Variants in GPC6 observed in about 807,000 individuals in gnomAD.
The protein encoded by GPC6 is glypican-6.
Under a neutral mutation model 55.2 loss-of-function variants are expected in GPC6, and 14 were observed. That is an observed-to-expected ratio of 0.25 (90% CI 0.17 to 0.40). GPC6 has a LOEUF of 0.40. Ranked by LOEUF, GPC6 falls within the 10% of genes least tolerant of loss-of-function variation. The pLI is 1.00. For missense variants in GPC6, 641 were observed against 708.5 expected (o/e 0.90, Z 1.08); for synonymous variants, 278 against 259.6 (o/e 1.07, Z -0.68).
At chr13:93,303,098 C>A (rs759280287) in intron 1 of GPC6, among the ~76,000 whole-genome samples, 19 of 152,142 alleles carry the variant, frequency 1.2e-4, no homozygotes, top group Non-Finnish European at 2.8e-4. Flanking sequence ...TAAATAAGTT[C>A]TTTGTATGAC....
rs201815669 is a variant in GPC6 at position 93,628,180 on chromosome 13, CT to C, written c.319+82762del. ...ATTGTATCAAAGAAAATGGAAGTGC[CT>C]TTGATCAATTTATTAGTTGTCTGTT... On this transcript the variant is annotated intron_variant, in intron 2 of 8. Transcript: ENST00000377047. Among the ~76,000 whole-genome samples, 943 of 152,236 alleles carry C rather than the reference CT, an allele frequency of 6.2e-3. 10 individuals are homozygous for C. Among genetic ancestry groups the C allele is most frequent in the African/African-American group, 0.021 (889 of 41,538 alleles).
intron 2 of GPC6, among the ~76,000 whole-genome samples, chr13:93,610,573 C>A (rs936294288): frequency 6.6e-6 from 1 of 151,990 alleles, no homozygotes; most frequent in Non-Finnish European, 1.5e-5. Context: ...CATATATACA[C>A]ACATACATGC....
intron 3 of GPC6, among the ~76,000 whole-genome samples, chr13:93,998,840 T>C (rs1881671863): frequency 6.6e-6 from 1 of 152,138 alleles, no homozygotes; most frequent in South Asian, 2.1e-4. Flanking sequence ...CCTATCTTTT[T>C]TTGTGGTAAG....
rs568272090 is a variant in GPC6 at position 93,973,743 on chromosome 13, A to G, written c.712-53986A>G. Reference sequence around the variant, plus strand: ...ATACCAAAGTTTCTTAACTGAGAACATAAAAGATCAACTTTTAGAGAGATG... The same window carrying G: ...ATACCAAAGTTTCTTAACTGAGAACGTAAAAGATCAACTTTTAGAGAGATG... On this transcript the variant is annotated intron_variant, in intron 3 of 8. Coordinates refer to ENST00000377047, the MANE Select transcript of GPC6 (RefSeq NM_005708.5). Among the ~76,000 whole-genome samples the G allele has an allele frequency of 2.0e-5, 3 of 152,330 alleles. No homozygotes were observed. In the East Asian group the frequency reaches 5.8e-4, roughly 29 times the overall value.
chr13:93,748,668 T>A (rs570764855), intron 2 of GPC6, among the ~76,000 whole-genome samples: 1 of 152,202 alleles, frequency 6.6e-6, no homozygotes, highest in African/African-American at 2.4e-5. Flanking sequence ...ATTCACAAAG[T>A]TCTTTAATTA....
At chr13:93,783,200 T>A (rs569591077) in intron 2 of GPC6, among the ~76,000 whole-genome samples, 2 of 152,228 alleles carry the variant, frequency 1.3e-5, no homozygotes, top group Non-Finnish European at 2.9e-5. Flanking sequence ...CACACATTTT[T>A]ATTTTTATCC....
At chr13:94,048,817 G>A (rs1391621829) in intron 4 of GPC6, among the ~76,000 whole-genome samples, 7 of 151,954 alleles carry the variant, frequency 4.6e-5, no homozygotes, top group Non-Finnish European at 8.8e-5. Context: ...TTCCCACTGT[G>A]GACCCCATGG....
intron 3 of GPC6, among the ~76,000 whole-genome samples, chr13:93,883,738 T>A (rs1301978486): frequency 1.3e-5 from 2 of 152,128 alleles, no homozygotes; most frequent in Non-Finnish European, 2.9e-5. Flanking sequence ...ACTATGGTTT[T>A]GCCAAATACT....
At chr13:93,844,539 T>C (rs867932285) in intron 3 of GPC6, among the ~76,000 whole-genome samples, 10 of 151,936 alleles carry the variant, frequency 6.6e-5, no homozygotes, top group Non-Finnish European at 8.8e-5. Flanking sequence ...AGATTCTGGA[T>C]ATTAGCCCTT....
intron 2 of GPC6, among the ~76,000 whole-genome samples, chr13:93,657,875 G>C (rs115477554): frequency 0.01 from 1,553 of 152,070 alleles, 31 homozygotes; most frequent in African/African-American, 0.036. Flanking sequence ...CTAATCATTA[G>C]AGAAATGCAA....
At chr13:94,385,521 A>G (rs917320149) in intron 7 of GPC6, among the ~76,000 whole-genome samples, 13 of 152,218 alleles carry the variant, frequency 8.5e-5, no homozygotes, top group African/African-American at 3.1e-4. Flanking sequence ...GTCCAATAAA[A>G]TATATCTTTT....
At chr13:93,457,464 C>G (rs1878497842) in intron 1 of GPC6, among the ~76,000 whole-genome samples, 1 of 152,160 alleles carries the variant, frequency 6.6e-6, no homozygotes, top group African/African-American at 2.4e-5. Context: ...TAACAGATGA[C>G]TCCAAAATTC....
intron 1 of GPC6, among the ~76,000 whole-genome samples, chr13:93,412,322 T>TA (rs1225502659): frequency 2.6e-5 from 4 of 152,178 alleles, no homozygotes; most frequent in Non-Finnish European, 5.9e-5. Flanking sequence ...TATGGTTTAC[T>TA]AACTGCCAAA....
chr13:94,186,891 T>C (rs1889210761), intron 4 of GPC6: 1 of 152,244 alleles, frequency 6.6e-6, no homozygotes, highest in Non-Finnish European at 1.5e-5. Flanking sequence ...TATGTTTCTG[T>C]AGTATGGAAC....
chr13:93,904,746 TTAAATA>T (rs1876544922), intron 3 of GPC6, among the ~76,000 whole-genome samples: 1 of 151,996 alleles, frequency 6.6e-6, no homozygotes, highest in Admixed American at 6.6e-5. Context: ...AAAAACAAAA[TTAAATA>T]TAAATGTGAT....
chr13:93,833,061 A>AGATG (rs370453050), intron 3 of GPC6, among the ~76,000 whole-genome samples: 1,813 of 146,292 alleles, frequency 0.012, 47 homozygotes, highest in African/African-American at 0.043. Flanking sequence ...GTAGAGAGAT[A>AGATG]GATGGATGGA....
upstream of GPC6, among the ~76,000 whole-genome samples, chr13:93,226,240 G>T (rs1875777057): frequency 6.6e-6 from 1 of 152,040 alleles, no homozygotes; most frequent in Non-Finnish European, 1.5e-5. Context: ...TGCTTCTGTG[G>T]TCTGGTTGTT....
rs190158759 is a variant in GPC6, at chr13:93,425,407, C to G, written c.161-119856C>G. Among the ~76,000 whole-genome samples the G allele has an allele frequency of 9.5e-5, 14 of 147,854 alleles. No homozygotes were observed. In the East Asian group the frequency reaches 2.7e-3, roughly 29 times the overall value. ...AGGAATATATTTAAATGTATGAGTTCATTGTACACCAACCACAACCTAAGG... is the reference window on the plus strand; with the variant it reads ...AGGAATATATTTAAATGTATGAGTTGATTGTACACCAACCACAACCTAAGG... On this transcript the variant is annotated intron_variant, in intron 1 of 8. Coordinates refer to ENST00000377047, the MANE Select transcript of GPC6 (RefSeq NM_005708.5).
rs1196860436 is a variant in GPC6 at position 94,123,474 on chromosome 13, A to G, written c.877+95580A>G. Among the ~76,000 whole-genome samples, 3 of 152,104 alleles carry G rather than the reference A, an allele frequency of 2.0e-5. No homozygotes were observed. The East Asian group carries it at 5.8e-4, about 29-fold the overall frequency. On this transcript the variant is annotated intron_variant, in intron 4 of 8. Transcript: ENST00000377047. ...GTTACTGGATATGTAAACTTAATTC[A>G]TATACCTTGTTCTTTAATAGTCATC...
Sources: allele counts gnomAD v4.1 joint callset (sites outside exome capture counted in the v4.1 genomes callset), GRCh38; gene constraint gnomAD v4.1.1; transcripts MANE v1.5; gene names NCBI Gene and HGNC (gene_info 2026-07-23, HGNC 2026-07-21).